DSPP: variants seen among roughly 807,000 people sequenced by gnomAD.
DSPP encodes the protein dentin sialophosphoprotein.
In DSPP, 28 loss-of-function variants were observed where a neutral mutation model predicts 29.1. The ratio of observed to expected loss-of-function variants is 0.96; its 90% CI spans 0.71 to 1.32. DSPP has a LOEUF of 1.32. DSPP is among the 40% of genes most tolerant of loss of function. The pLI is 0.00. For missense variants in DSPP, 1,281 were observed against 1,629.9 expected, an observed-to-expected ratio of 0.79 and a Z score of 3.69; for synonymous variants, 481 against 503.4, an observed-to-expected ratio of 0.96 and a Z score of 0.60.
intron 1 of DSPP, among the ~76,000 whole-genome samples, chr4:87,609,455 G>A (rs1021594583): frequency 1.1e-4 from 16 of 152,138 alleles, no homozygotes; most frequent in African/African-American, 3.6e-4. Flanking sequence ...GTAAACAGCT[G>A]GCCTTCAACA....
Position 87,613,142 on chromosome 4 carries a change from G to A in DSPP, c.956G>A (p.Gly319Glu). ...GAAGATCCCCATAATGAAGTTGATGGAGACAAGACCTCCAAGAGTGAGGAG... is the reference window on the plus strand; with the variant it reads ...GAAGATCCCCATAATGAAGTTGATGAAGACAAGACCTCCAAGAGTGAGGAG... ...GKEDPHNEVD[G>E]DKTSKSEENS... Residue 319 changes from glycine to glutamate, a missense_variant, in exon 4 of 5, where the codon GGA becomes GAA. Physicochemically the swap from Gly to Glu is moderately conservative, Grantham distance 98. Around this residue, in one of 4 missense-constraint regions of DSPP, gnomAD observed 631 missense variants for 643.2 expected, o/e 0.98. Coordinates refer to ENST00000651931, the MANE Select transcript of DSPP (RefSeq NM_014208.3). The A allele has an allele frequency of 4.3e-6, 7 of 1,614,142 alleles. No homozygotes were observed. Among genetic ancestry groups the A allele is most frequent in the Non-Finnish European group, 5.9e-6 (7 of 1,180,034 alleles).
chr4:87,610,227 T>C (rs2109994578), intron 1 of DSPP, among the ~76,000 whole-genome samples: 1 of 152,262 alleles, frequency 6.6e-6, no homozygotes, highest in South Asian at 2.1e-4. Flanking sequence ...AGATACCAAA[T>C]ACCCTTTGAA....
intron 3 of DSPP, 49 bp downstream of exon 3, chr4:87,612,237 C>T: frequency 6.2e-7 from 1 of 1,612,144 alleles, no homozygotes; most frequent in Non-Finnish European, 8.5e-7. Flanking sequence ...TGAGTTGCTA[C>T]ATTCCATTAA....
At position 87,616,274 on chromosome 4, in the gene DSPP, T is replaced by TAGC. The variant is rs1727942860; in HGVS notation, c.3614_3615insCAG (p.Ser1205dup). On this transcript the variant is annotated inframe_insertion, in exon 5 of 5. Transcript: ENST00000651931. ...GCGATAGCAGCGACAGCAGCGATAG[T>TAGC]AGTGATAGCAGTGACAGCAGTGACA... is the stretch of plus-strand genomic sequence containing the variant. 8.9e-7 allele frequency: 1 copy of TAGC among 1,122,538 alleles called. No individual in the cohort carries two copies. The highest frequency in any genetic ancestry group is 3.3e-5 in the African/African-American group (1 of 30,398). 69.5% of individuals were successfully genotyped at this position (1,122,538 alleles called of 1,614,324 possible).
In DSPP at chr4:87,612,203, A is replaced by G; in HGVS notation, c.135+15A>G. 1 of 1,613,738 alleles carries G rather than the reference A, an allele frequency of 6.2e-7. No homozygotes were observed. The highest frequency in any genetic ancestry group is 1.7e-4 in the Middle Eastern group (1 of 6,058). On this transcript the variant is annotated intron_variant, in intron 3 of 4. Coordinates refer to ENST00000651931, the MANE Select transcript of DSPP (RefSeq NM_014208.3). ...TGTCAGTACAGGTATAGGATGTAAT[A>G]TATTTCATTTTATTTCCTATTTCTG...
chr4:87,614,787 G>C lies in DSPP; in HGVS notation c.2125G>C (p.Asp709His), dbSNP rs778195264. 6.4e-7 allele frequency: 1 copy of C among 1,550,504 alleles called. No homozygotes were observed. Among genetic ancestry groups the C allele is most frequent in the South Asian group, 1.2e-5 (1 of 83,984 alleles). The stretch of plus-strand genomic sequence containing the variant: ...GAGCAGTGATAGTAGTGACAGCAGT[G>C]ATAGTGACAGCAGTGATAGTAGTGA... ...SESSDSSDSS[D>H]SDSSDSSDSS... Residue 709 changes from aspartate to histidine, a missense_variant, in exon 5 of 5, where the codon GAT (aspartate) becomes CAT (histidine). Asp to His is a moderately conservative substitution (Grantham distance 81). This residue lies in a region of DSPP where 444 missense variants were observed against 611.4 expected (regional missense o/e 0.73). Transcript: ENST00000651931.
rs192767583 is a variant in DSPP, at chr4:87,612,598, G to A, written c.412G>A (p.Gly138Arg). The A allele has an allele frequency of 8.5e-5, 137 of 1,614,046 alleles. No homozygotes were observed. Among genetic ancestry groups the A allele is most frequent in the Middle Eastern group, 3.3e-4 (2 of 6,062 alleles). Reference protein sequence around the residue: ...EENITANGIQGQVSIIDNAGA... With the variant: ...EENITANGIQRQVSIIDNAGA... Reference sequence around the variant, plus strand: ...AAACATCACAGCAAATGGCATCCAGGGACAAGTAAGCATCATTGACAATGC... The same window carrying A: ...AAACATCACAGCAAATGGCATCCAGAGACAAGTAAGCATCATTGACAATGC... The change falls in exon 4 of 5, where the codon GGA becomes AGA. Residue 138 changes from glycine to arginine, a missense_variant. By Grantham distance (125) the Gly-to-Arg change is moderately radical (BLOSUM62 -2). Around this residue, in one of 4 missense-constraint regions of DSPP, gnomAD observed 631 missense variants for 643.2 expected, o/e 0.98. Transcript: ENST00000651931.
In DSPP at chr4:87,612,128, G is replaced by A. The variant is rs749329988; in HGVS notation, c.75G>A (p.Glu25=). Residue 25 remains glutamate, a synonymous_variant, in exon 3 of 5, where the codon GAG becomes GAA. Transcript: ENST00000651931. ...AGGTTCCTCAAAGCAAACCACTGGA[G>A]AGACATGTCGAAAAATCCATGAATT... The part of the protein sequence containing the change: ...AIPVPQSKPL[E]RHVEKSMNLH... 7 of 1,613,938 alleles carry A rather than the reference G, an allele frequency of 4.3e-6. No individual in the cohort carries two copies. Among genetic ancestry groups the A allele is most frequent in the Non-Finnish European group, 5.1e-6 (6 of 1,179,890 alleles).
rs13131936 is a variant in DSPP at position 87,612,293 on chromosome 4, T to C, written c.136-29T>C. On this transcript the variant is annotated intron_variant, in intron 3 of 4. Transcript: ENST00000651931. Reference sequence around the variant, plus strand: ...GCTTTCCTTCAAGATCATTGATACTTATAATTGATTGAATTGTTTCTTTTT... The same window carrying C: ...GCTTTCCTTCAAGATCATTGATACTCATAATTGATTGAATTGTTTCTTTTT... 0.28 allele frequency: 457,107 copies of C among 1,612,380 alleles called. 67,333 individuals are homozygous for C. The highest frequency in any genetic ancestry group is 0.31 in the Non-Finnish European group (361,331 of 1,178,868).
rs1338281794 is a variant in DSPP at position 87,612,298 on chromosome 4, T to C, written c.136-24T>C. ...CCTTCAAGATCATTGATACTTATAATTGATTGAATTGTTTCTTTTTCAGGA... is the reference window on the plus strand; with the variant it reads ...CCTTCAAGATCATTGATACTTATAACTGATTGAATTGTTTCTTTTTCAGGA... On this transcript the variant is annotated intron_variant, in intron 3 of 4. Transcript: ENST00000651931. 7 of 1,613,632 alleles carry C rather than the reference T, an allele frequency of 4.3e-6. No homozygotes were observed. In the Middle Eastern group the frequency reaches 4.9e-4, roughly 114 times the overall value.
chr4:87,610,433 G>T (rs1386374739), intron 1 of DSPP, among the ~76,000 whole-genome samples: 2 of 152,138 alleles, frequency 1.3e-5, no homozygotes, highest in African/African-American at 2.4e-5. Flanking sequence ...ACTAGCGTAG[G>T]CTCCCTCATG....
intron 2 of DSPP, 118 bp from the exon 3 acceptor site, chr4:87,611,983 CCTTT>C (rs1727742079): frequency 9.0e-7 from 1 of 1,109,178 alleles, no homozygotes. Flanking sequence ...TTGTGTTAAA[CCTTT>C]CTTCTTCATG....
rs913480840 is a variant in DSPP at position 87,613,090 on chromosome 4, A to G, written c.904A>G (p.Lys302Glu). 6.2e-7 allele frequency: 1 copy of G among 1,614,180 alleles called. No homozygotes were observed. The highest frequency in any genetic ancestry group is 8.5e-7 in the Non-Finnish European group (1 of 1,180,022). The change falls in exon 4 of 5, where the codon AAA (lysine) becomes GAA (glutamate). Residue 302 changes from lysine to glutamate, a missense_variant. Around this residue, in one of 4 missense-constraint regions of DSPP, gnomAD observed 631 missense variants for 643.2 expected, o/e 0.98. Coordinates refer to ENST00000651931, the MANE Select transcript of DSPP (RefSeq NM_014208.3). Reference protein sequence around the residue: ...DSSIGQNSDSKEYYDPEGKED... With the variant: ...DSSIGQNSDSEEYYDPEGKED... ...TAGCATAGGTCAAAATTCAGATAGTAAAGAATATTATGACCCTGAAGGCAA... is the reference window on the plus strand; with the variant it reads ...TAGCATAGGTCAAAATTCAGATAGTGAAGAATATTATGACCCTGAAGGCAA...
chr4:87,612,971 A>T lies in DSPP; in HGVS notation c.785A>T (p.Asp262Val). ...DEDEDEGSGD[D>V]EDEEAGNGKD... ...GATGAAGACGAGGGTTCTGGTGATG[A>T]TGAAGATGAAGAAGCAGGGAATGGA... is the stretch of plus-strand genomic sequence containing the variant. The change falls in exon 4 of 5, where the codon GAT becomes GTT. Residue 262 changes from aspartate (D) to valine (V), a missense_variant. Physicochemically the swap from Asp to Val is radical, Grantham distance 152. Around this residue, in one of 4 missense-constraint regions of DSPP, gnomAD observed 631 missense variants for 643.2 expected, o/e 0.98. Transcript: ENST00000651931. The T allele has an allele frequency of 6.2e-7, 1 of 1,614,200 alleles. No homozygotes were observed. Among genetic ancestry groups the T allele is most frequent in the South Asian group, 1.1e-5 (1 of 91,074 alleles).
chr4:87,615,340 A>G lies in DSPP; in HGVS notation c.2678A>G (p.Asp893Gly), dbSNP rs1336950624. 2.6e-6 allele frequency: 4 copies of G among 1,525,494 alleles called. No homozygotes were observed. Among genetic ancestry groups the G allele is most frequent in the East Asian group, 2.5e-5 (1 of 39,828 alleles). 94.5% of individuals were successfully genotyped at this position (1,525,494 alleles called of 1,614,324 possible). A position where few individuals can be genotyped will look rare whatever the true frequency, so the allele number is the denominator to read the frequency against. ...SDSNESSNSS[D>G]SSDSSNSSDS... Reference sequence around the variant, plus strand: ...AGCAACGAAAGCAGCAATAGCAGTGACAGCAGTGATAGCAGCAACAGCAGT... The same window carrying G: ...AGCAACGAAAGCAGCAATAGCAGTGGCAGCAGTGATAGCAGCAACAGCAGT... The change falls in exon 5 of 5, where the codon GAC becomes GGC. Residue 893 changes from aspartate to glycine, a missense_variant. Asp to Gly is a moderately conservative substitution (Grantham distance 94). Around this residue, in one of 4 missense-constraint regions of DSPP, gnomAD observed 444 missense variants for 611.4 expected, o/e 0.73. Coordinates refer to ENST00000651931, the MANE Select transcript of DSPP (RefSeq NM_014208.3).
chr4:87,611,030 AGTGTGTGTGT>A (rs33940466), intron 2 of DSPP, 71 bp downstream of exon 2: 216 of 821,854 alleles, frequency 2.6e-4, no homozygotes, highest in South Asian at 3.8e-4. Context: ...TACAAAATGT[AGTGTGTGTGT>A]GTGTGTGTGT....
intron 1 of DSPP, among the ~76,000 whole-genome samples, chr4:87,610,052 GT>G (rs1378757077): frequency 2.0e-5 from 3 of 152,072 alleles, no homozygotes; most frequent in South Asian, 2.1e-4. Context: ...TTCAGAAAAC[GT>G]TTTTTTCTGT....
chr4:87,610,054 T>G (rs890436505), intron 1 of DSPP, among the ~76,000 whole-genome samples: 1 of 152,178 alleles, frequency 6.6e-6, no homozygotes, highest in African/African-American at 2.4e-5. Flanking sequence ...CAGAAAACGT[T>G]TTTTTCTGTG....
rs753098655 is a variant in DSPP, at chr4:87,614,013, G to T, written c.1351G>T (p.Asp451Tyr). The T allele has an allele frequency of 2.5e-6, 4 of 1,614,210 alleles. No individual in the cohort carries two copies. In the South Asian group the frequency reaches 4.4e-5, roughly 18 times the overall value. ...TGSDSNSDGY[D>Y]SYDFDDKSMQ... ...TAGTGACAGCAATAGTGATGGATAT[G>T]ACAGTTATGATTTTGATGATAAGTC... Residue 451 changes from aspartate to tyrosine, a missense_variant, in exon 5 of 5, where the codon GAC becomes TAC. Physicochemically the swap from Asp to Tyr is radical, Grantham distance 160. Around this residue, in one of 4 missense-constraint regions of DSPP, gnomAD observed 631 missense variants for 643.2 expected, o/e 0.98. Transcript: ENST00000651931.
Sources: allele counts gnomAD v4.1 joint callset (sites outside exome capture counted in the v4.1 genomes callset), GRCh38; gene constraint gnomAD v4.1.1; regional missense constraint gnomAD v4.1.1; transcripts MANE v1.5; gene names NCBI Gene and HGNC (gene_info 2026-07-23, HGNC 2026-07-21).